EXOC6B: variants seen among roughly 807,000 people sequenced by gnomAD.
EXOC6B encodes the protein exocyst complex component 6B.
A neutral mutation model predicts 113.5 loss-of-function variants in EXOC6B; 54 were observed. That is an observed-to-expected ratio of 0.48 (90% CI 0.38 to 0.60). EXOC6B has a LOEUF of 0.60. EXOC6B is among the 20% of genes least tolerant of loss of function. The pLI is 0.00. For synonymous variants in EXOC6B, 357 were observed against 339.0 expected (o/e 1.05, Z -0.58); for missense variants, 797 against 977.5 (o/e 0.82, Z 2.46).
chr2:72,594,965 T>A (rs1558827625), intron 6 of EXOC6B, among the ~76,000 whole-genome samples: 1 of 152,110 alleles, frequency 6.6e-6, no homozygotes. Flanking sequence ...AGACAATTAA[T>A]AAGCATGGTG....
rs548028408 is a variant in EXOC6B at position 72,369,742 on chromosome 2, A to C, written c.2122+9987T>G. On this transcript the variant is annotated intron_variant, in intron 19 of 21. Coordinates refer to ENST00000272427, the MANE Select transcript of EXOC6B (RefSeq NM_015189.3). ...AACTATCTGATCTTTGACAAACCTGACAAAAGCAAGAAATGGGGAAAGGAT... is the reference window on the plus strand; with the variant it reads ...AACTATCTGATCTTTGACAAACCTGCCAAAAGCAAGAAATGGGGAAAGGAT... Among the ~76,000 whole-genome samples, 3 of 152,340 alleles carry C rather than the reference A, an allele frequency of 2.0e-5. No individual in the cohort carries two copies. The East Asian group carries it at 5.8e-4, about 29-fold the overall frequency.
chr2:72,470,691 C>G (rs1236557448), intron 17 of EXOC6B, among the ~76,000 whole-genome samples: 1 of 142,708 alleles, frequency 7.0e-6, no homozygotes, highest in Non-Finnish European at 1.5e-5. Flanking sequence ...TTGTTCAATT[C>G]CCACCTAGGA....
chr2:72,769,413 T>A (rs940270817), intron 1 of EXOC6B, among the ~76,000 whole-genome samples: 1 of 152,150 alleles, frequency 6.6e-6, no homozygotes, highest in African/African-American at 2.4e-5. Flanking sequence ...AATGAAAAAG[T>A]GTTACATATT....
At chr2:72,368,480 T>C (rs1386056083) in intron 19 of EXOC6B, among the ~76,000 whole-genome samples, 6 of 151,946 alleles carry the variant, frequency 3.9e-5, no homozygotes, top group Non-Finnish European at 7.4e-5. Context: ...TTCCAATCAA[T>C]AGAAAAAGAG....
In EXOC6B at chr2:72,505,413, C is replaced by T. The variant is rs555056965; in HGVS notation, c.1168-5441G>A. On this transcript the variant is annotated intron_variant, in intron 11 of 21. Coordinates refer to ENST00000272427, the MANE Select transcript of EXOC6B (RefSeq NM_015189.3). ...TATATGTGTGAGACTGTTTGAAGGTCCATTATCTATCCAATGACCATATCA... is the reference window on the plus strand; with the variant it reads ...TATATGTGTGAGACTGTTTGAAGGTTCATTATCTATCCAATGACCATATCA... Among the ~76,000 whole-genome samples, 10 of 152,192 alleles carry T rather than the reference C, an allele frequency of 6.6e-5. No individual in the cohort carries two copies. In the South Asian group the frequency reaches 1.9e-3, roughly 28 times the overall value.
intron 8 of EXOC6B, among the ~76,000 whole-genome samples, chr2:72,534,301 A>G (rs867103915): frequency 1.3e-5 from 2 of 152,190 alleles, no homozygotes; most frequent in Non-Finnish European, 2.9e-5. Context: ...AGGAGGAGAT[A>G]GATATAGCAC....
rs375284555 is a variant in EXOC6B, at chr2:72,334,977, C to T, written c.2166G>A (p.Thr722=). 201 of 1,613,400 alleles carry T rather than the reference C, an allele frequency of 1.2e-4. 3 individuals are homozygous for T. The African/African-American group carries it at 2.4e-3, about 19-fold the overall frequency. ...TCAAGTCGATGAAGGCCAACTGCAG[C>T]GTGTCCTCCTGGAACCCAGGCACCG... The part of the protein sequence containing the change: ...SGPVPGFQED[T]LQLAFIDLRQ... The change falls in exon 20 of 22, where the codon ACG becomes ACA. Residue 722 remains threonine (T), a synonymous_variant. Coordinates refer to ENST00000272427, the MANE Select transcript of EXOC6B (RefSeq NM_015189.3).
chr2:72,385,747 G>A lies in EXOC6B; in HGVS notation c.1981-5877C>T, dbSNP rs1008559211. 1.2e-4 allele frequency among the ~76,000 whole-genome samples: 18 copies of A among 152,128 alleles called. 1 individual carries two copies. In the East Asian group the frequency reaches 1.7e-3, roughly 15 times the overall value. On this transcript the variant is annotated intron_variant, in intron 18 of 21. Transcript: ENST00000272427. ...GAGAAGACACATGAATAGCCAAGACGTATATGAAAACATGTACAACATCAC... is the reference window on the plus strand; with the variant it reads ...GAGAAGACACATGAATAGCCAAGACATATATGAAAACATGTACAACATCAC...
intron 8 of EXOC6B, among the ~76,000 whole-genome samples, chr2:72,558,337 A>G (rs1161970387): frequency 2.6e-5 from 4 of 152,162 alleles, no homozygotes; most frequent in Non-Finnish European, 5.9e-5. Flanking sequence ...AGAAGTGGGC[A>G]AGAGAGGGAG....
chr2:72,524,546 G>A (rs987916653), intron 8 of EXOC6B, among the ~76,000 whole-genome samples: 5 of 152,100 alleles, frequency 3.3e-5, no homozygotes, highest in African/African-American at 1.2e-4. Context: ...ACCTGCATGT[G>A]TACCCCAGAC....
chr2:72,741,212 AT>A (rs1191124952), intron 2 of EXOC6B, 91 bp downstream of exon 2: 1 of 1,230,086 alleles, frequency 8.1e-7, no homozygotes, highest in African/African-American at 1.5e-5. Flanking sequence ...TTCACTACAA[AT>A]ATGTGTTCTA....
chr2:72,256,491 G>A (rs1438471854), intron 20 of EXOC6B, among the ~76,000 whole-genome samples: 1 of 152,218 alleles, frequency 6.6e-6, no homozygotes, highest in Non-Finnish European at 1.5e-5. Context: ...ATGGGAATTA[G>A]ATTAGGGTTC....
intron 6 of EXOC6B, among the ~76,000 whole-genome samples, chr2:72,691,681 ATTT>A (rs1164324005): frequency 1.5e-5 from 2 of 137,778 alleles, no homozygotes; most frequent in East Asian, 2.1e-4. Flanking sequence ...TTGTATATCT[ATTT>A]TTTTTTTTTT....
At chr2:72,524,147 GT>G (rs1305103462) in intron 8 of EXOC6B, among the ~76,000 whole-genome samples, 42 of 119,180 alleles carry the variant, frequency 3.5e-4, no homozygotes, top group African/African-American at 1.4e-3. Flanking sequence ...TTTATACAGA[GT>G]TTAAAAAAAA....
intron 1 of EXOC6B, among the ~76,000 whole-genome samples, chr2:72,787,244 C>T (rs988941145): frequency 1.3e-3 from 198 of 151,856 alleles, no homozygotes; most frequent in African/African-American, 4.4e-3. Flanking sequence ...CAGAGTCTCA[C>T]TCTGTCGCCC....
intron 20 of EXOC6B, among the ~76,000 whole-genome samples, chr2:72,201,865 T>TTCAA (rs1246421501): frequency 6.6e-6 from 1 of 152,196 alleles, no homozygotes; most frequent in Non-Finnish European, 1.5e-5. Context: ...TTCCTTGAAC[T>TTCAA]TCAATAAATT....
At chr2:72,696,097 CAT>C in intron 6 of EXOC6B, among the ~76,000 whole-genome samples, 1 of 152,254 alleles carries the variant, frequency 6.6e-6, no homozygotes, top group Middle Eastern at 3.4e-3. Context: ...CCTTACTCTC[CAT>C]ATGTCAGTCA....
At chr2:72,555,167 T>C (rs1703466473) in intron 8 of EXOC6B, among the ~76,000 whole-genome samples, 1 of 152,206 alleles carries the variant, frequency 6.6e-6, no homozygotes, top group African/African-American at 2.4e-5. Flanking sequence ...GATGGACATT[T>C]GGGTTGTTTC....
chr2:72,406,587 C>G (rs1209581018), intron 18 of EXOC6B, among the ~76,000 whole-genome samples: 2 of 152,166 alleles, frequency 1.3e-5, no homozygotes, highest in Non-Finnish European at 2.9e-5. Flanking sequence ...ACTGAACAAC[C>G]TGCTCCTGAT....
Sources: allele counts gnomAD v4.1 joint callset (sites outside exome capture counted in the v4.1 genomes callset), GRCh38; gene constraint gnomAD v4.1.1; transcripts MANE v1.5; gene names NCBI Gene and HGNC (gene_info 2026-07-23, HGNC 2026-07-21).